The following CCDC158 variants were observed in gnomAD, a reference collection of about 807,000 sequenced individuals.
CCDC158 encodes the protein coiled-coil domain containing 158.
Under a neutral mutation model 138.6 loss-of-function variants are expected in CCDC158, and 116 were observed. That is an observed-to-expected ratio of 0.84 (90% CI 0.72 to 0.98). The LOEUF (loss-of-function observed/expected upper bound fraction) is 0.98. Among genes scored for constraint, CCDC158 ranks in the 50% least tolerant of loss-of-function variants. CCDC158 has a pLI of 0.00. For missense variants in CCDC158, 1,265 were observed against 1,306.1 expected (o/e 0.97, Z 0.48); for synonymous variants, 436 against 442.4 (o/e 0.99, Z 0.18).
At chr4:76,350,713 G>C (rs1722964365) in intron 18 of CCDC158, among the ~76,000 whole-genome samples, 1 of 152,104 alleles carries the variant, frequency 6.6e-6, no homozygotes, top group Non-Finnish European at 1.5e-5. Context: ...TTTGCCTTTT[G>C]AAGTGATGTT....
intron 1 of CCDC158, among the ~76,000 whole-genome samples, chr4:76,414,854 C>G (rs1281102106): frequency 2.6e-5 from 4 of 152,146 alleles, no homozygotes; most frequent in African/African-American, 4.8e-5. Context: ...CTCAGTATGT[C>G]TTTAACAGCA....
In CCDC158 at chr4:76,367,515, T is replaced by G; in HGVS notation, c.1609A>C (p.Lys537Gln). Residue 537 changes from lysine to glutamine, a missense_variant, in exon 12 of 25, where the codon AAA becomes CAA. Transcript: ENST00000682701. The part of the protein sequence containing the change: ...DLKLQELQHL[K>Q]NEGDHLRNVQ... ...TTTCTGAGATGATCCCCTTCATTTT[T>G]CAAGTGTTGCAGCTCCTGCAATTTC... 6.2e-7 allele frequency: 1 copy of G among 1,614,258 alleles called. No homozygotes were observed. The highest frequency in any genetic ancestry group is 1.7e-4 in the Middle Eastern group (1 of 6,060).
intron 1 of CCDC158, among the ~76,000 whole-genome samples, chr4:76,420,056 A>C (rs950354980): frequency 1.3e-5 from 2 of 151,582 alleles, no homozygotes; most frequent in Non-Finnish European, 2.9e-5. Context: ...TATTAACTCT[A>C]TGGCATGGAA....
chr4:76,369,329 C>CAT, intron 11 of CCDC158, 97 bp downstream of exon 11: 1 of 1,153,850 alleles, frequency 8.7e-7, no homozygotes, highest in South Asian at 1.7e-5. Flanking sequence ...ATTTTAGGTC[C>CAT]ATATATGTTA....
chr4:76,350,967 C>A, intron 18 of CCDC158, 29 bp downstream of exon 18: 2 of 1,599,600 alleles, frequency 1.3e-6, no homozygotes, highest in Non-Finnish European at 1.7e-6. Context: ...ATGTCATTTG[C>A]GTAATGGATC....
chr4:76,342,206 A>AT (rs11452475), intron 18 of CCDC158, among the ~76,000 whole-genome samples: 4,445 of 152,078 alleles, frequency 0.029, 219 homozygotes, highest in African/African-American at 0.1. Flanking sequence ...TGTCTGAATA[A>AT]TTTTTTTATT....
intron 2 of CCDC158, among the ~76,000 whole-genome samples, chr4:76,410,469 A>G (rs28483199): frequency 0.029 from 4,459 of 152,112 alleles, 220 homozygotes; most frequent in African/African-American, 0.1. Context: ...ACAGGCGTGA[A>G]CCACCAGGCC....
In CCDC158 at chr4:76,328,907, TG is replaced by T. The variant is rs1720769060; in HGVS notation, c.3002del (p.Thr1001AsnfsTer8). On this transcript the variant is annotated frameshift_variant, in exon 22 of 25. Coordinates refer to ENST00000682701, the MANE Select transcript of CCDC158 (RefSeq NM_001394954.1). LOFTEE classifies it high-confidence loss of function. ...REDPSGCFTF[T>X]SAASPSVKNS... The stretch of plus-strand genomic sequence containing the variant: ...CTTTCATTGGAAACTCACCTGCAGA[TG>T]TGAATGTGAAGCAACCAGAGGGATC... 3 of 1,613,504 alleles carry T rather than the reference TG, an allele frequency of 1.9e-6. No homozygotes were observed. Among genetic ancestry groups the T allele is most frequent in the Admixed American group, 1.7e-5 (1 of 60,018 alleles).
intron 10 of CCDC158, 145 bp downstream of exon 10, chr4:76,371,272 T>G: frequency 1.3e-6 from 1 of 796,714 alleles, no homozygotes; most frequent in Non-Finnish European, 1.9e-6. Context: ...ATGCAAAACT[T>G]GAATTGTGTC....
intron 8 of CCDC158, among the ~76,000 whole-genome samples, chr4:76,380,104 T>A (rs954137248): frequency 1.2e-4 from 19 of 152,200 alleles, no homozygotes; most frequent in African/African-American, 4.6e-4. Context: ...TAGTTCTTTA[T>A]AGTAGTGTAA....
intron 24 of CCDC158, among the ~76,000 whole-genome samples, chr4:76,317,785 A>T (rs1186384815): frequency 6.6e-6 from 1 of 152,208 alleles, no homozygotes; most frequent in Non-Finnish European, 1.5e-5. Flanking sequence ...CAAATTTAAG[A>T]AAAGCAAAAT....
Position 76,313,463 on chromosome 4 carries a change from T to C in CCDC158, c.3278-217A>G, listed in dbSNP as rs970041761. 2.6e-5 allele frequency among the ~76,000 whole-genome samples: 4 copies of C among 151,940 alleles called. No individual in the cohort carries two copies. The East Asian group carries it at 5.8e-4, about 22-fold the overall frequency. ...GTGTTTCAGGTGTTTTATTTACTTA[T>C]TTATTTTGTAGAGACAGGGTCTCTC... On this transcript the variant is annotated intron_variant, in intron 24 of 24. Transcript: ENST00000682701.
At chr4:76,328,421 G>T (rs1262479046) in intron 22 of CCDC158, among the ~76,000 whole-genome samples, 2 of 152,170 alleles carry the variant, frequency 1.3e-5, no homozygotes, top group Non-Finnish European at 2.9e-5. Context: ...AGGAGCACTG[G>T]AAGTGTGGGA....
chr4:76,316,513 ATCTAAAAG>A (rs1719402354), intron 24 of CCDC158, among the ~76,000 whole-genome samples: 1 of 152,190 alleles, frequency 6.6e-6, no homozygotes, highest in African/African-American at 2.4e-5. Flanking sequence ...AAGAAGATGA[ATCTAAAAG>A]TCTAGAAAAC....
intron 24 of CCDC158, among the ~76,000 whole-genome samples, chr4:76,320,385 C>G (rs1719886450): frequency 6.6e-6 from 1 of 152,094 alleles, no homozygotes; most frequent in Admixed American, 6.5e-5. Flanking sequence ...TCTACAAATT[C>G]AATGCAATTC....
At chr4:76,329,697 G>T (rs1463429804) in intron 21 of CCDC158, among the ~76,000 whole-genome samples, 1 of 152,174 alleles carries the variant, frequency 6.6e-6, no homozygotes, top group African/African-American at 2.4e-5. Flanking sequence ...TGTGAGTTGG[G>T]TACCAATATG....
chr4:76,344,407 G>A (rs928136005), intron 18 of CCDC158: 7 of 596,852 alleles, frequency 1.2e-5, no homozygotes, highest in African/African-American at 1.1e-4. Flanking sequence ...TTTGCTGGTG[G>A]TATTGTCTTG....
At chr4:76,421,237 C>G (rs550656168), upstream of CCDC158, among the ~76,000 whole-genome samples, 148 of 152,064 alleles carry the variant, frequency 9.7e-4, no homozygotes, top group African/African-American at 3.3e-3. Context: ...TGCGAGGCTT[C>G]GTAGTTGGGG....
chr4:76,345,191 A>G, intron 18 of CCDC158: 4 of 977,224 alleles, frequency 4.1e-6, no homozygotes, highest in African/African-American at 1.6e-5. Context: ...TTGCTGTGCT[A>G]TTTGACAAAC....
Sources: allele counts gnomAD v4.1 joint callset (sites outside exome capture counted in the v4.1 genomes callset), GRCh38; gene constraint gnomAD v4.1.1; transcripts MANE v1.5; gene names NCBI Gene and HGNC (gene_info 2026-07-23, HGNC 2026-07-21).